Variants in THADA observed in about 807,000 individuals in gnomAD.
The protein encoded by THADA is THADA armadillo repeat containing.
In THADA, 213 loss-of-function variants were observed where a neutral mutation model predicts 219.8. That is an observed-to-expected ratio of 0.97 (90% CI 0.87 to 1.09). THADA has a LOEUF of 1.09. Ranked by LOEUF, THADA falls within the 50% of genes least tolerant of loss-of-function variation. The pLI is 0.00. For synonymous variants in THADA, 1,018 were observed against 828.9 expected (o/e 1.23, Z -3.92); for missense variants, 2,956 against 2,311.3 (o/e 1.28, Z -5.72).
chr2:43,326,230 T>C (rs1358128881), intron 30 of THADA, among the ~76,000 whole-genome samples: 1 of 149,160 alleles, frequency 6.7e-6, no homozygotes, highest in Non-Finnish European at 1.5e-5. Context: ...CAACCAGTCA[T>C]GCTAGAGTAT....
At chr2:43,372,605 C>G (rs868548342) in intron 29 of THADA, among the ~76,000 whole-genome samples, 1 of 152,116 alleles carries the variant, frequency 6.6e-6, no homozygotes, top group African/African-American at 2.4e-5. Flanking sequence ...ACACAGCCAA[C>G]AGAGGGGGTT....
intron 28 of THADA, among the ~76,000 whole-genome samples, chr2:43,423,554 T>C (rs1678010079): frequency 6.6e-6 from 1 of 151,832 alleles, no homozygotes; most frequent in Admixed American, 6.6e-5. Flanking sequence ...TGCCTTAGCC[T>C]CTCGAGTAGC....
At chr2:43,242,559 T>A (rs1398121566) in intron 36 of THADA, among the ~76,000 whole-genome samples, 1 of 152,150 alleles carries the variant, frequency 6.6e-6, no homozygotes, top group African/African-American at 2.4e-5. Context: ...TGGTGTGGTC[T>A]CAGCTCACTA....
intron 31 of THADA, among the ~76,000 whole-genome samples, chr2:43,304,419 G>A (rs148568277): frequency 5.9e-5 from 9 of 152,260 alleles, no homozygotes; most frequent in Non-Finnish European, 1.3e-4. Context: ...ACTACAAAAT[G>A]TCACTTATAA....
At position 43,398,208 on chromosome 2, in the gene THADA, C is replaced by T. The variant is rs1674343057; in HGVS notation, c.4059-69G>A. On this transcript the variant is annotated intron_variant, in intron 28 of 37. Coordinates refer to ENST00000405975, the MANE Select transcript of THADA (RefSeq NM_022065.5). The stretch of plus-strand genomic sequence containing the variant: ...ACATCTGTGACTTTGTATATACTTA[C>T]ATTCTATCTAGCATGGCCTGGAACA... 5 of 1,514,802 alleles carry T rather than the reference C, an allele frequency of 3.3e-6. No individual in the cohort carries two copies. The Admixed American group carries it at 5.2e-5, about 16-fold the overall frequency. 93.8% of individuals were successfully genotyped at this position (1,514,802 alleles called of 1,614,324 possible).
chr2:43,536,721 AT>A (rs1366953158), intron 21 of THADA, among the ~76,000 whole-genome samples: 4 of 152,158 alleles, frequency 2.6e-5, no homozygotes, highest in African/African-American at 9.7e-5. Flanking sequence ...ATTAAAAAAA[AT>A]ATAAATATAT....
At chr2:43,397,876 G>T in intron 29 of THADA, 95 bp downstream of exon 29, 3 of 1,299,608 alleles carry the variant, frequency 2.3e-6, no homozygotes, top group Non-Finnish European at 3.2e-6. Flanking sequence ...AAGTTAAGAG[G>T]CTGTGTATCA....
At chr2:43,576,918 A>G (rs1268016854) in intron 10 of THADA, 104 bp downstream of exon 10, 2 of 971,620 alleles carry the variant, frequency 2.1e-6, no homozygotes, top group Non-Finnish European at 3.1e-6. Flanking sequence ...GCCTACTGGG[A>G]GGGTAGCTGG....
chr2:43,388,309 G>A (rs930319679), intron 29 of THADA, among the ~76,000 whole-genome samples: 3 of 152,128 alleles, frequency 2.0e-5, no homozygotes, highest in African/African-American at 7.2e-5. Context: ...GAGATGTTTT[G>A]TTGTGTTGCA....
chr2:43,435,065 C>CA (rs1183995559), intron 26 of THADA, among the ~76,000 whole-genome samples: 2 of 152,196 alleles, frequency 1.3e-5, no homozygotes, highest in Non-Finnish European at 2.9e-5. Context: ...GAGGGGGACT[C>CA]ACACACCCTG....
chr2:43,242,422 T>C (rs1056238280), intron 36 of THADA, among the ~76,000 whole-genome samples: 2 of 152,212 alleles, frequency 1.3e-5, no homozygotes, highest in African/African-American at 4.8e-5. Context: ...AGGATACAGG[T>C]TGCAAGTGGT....
At chr2:43,352,284 G>A (rs1435241504) in intron 29 of THADA, among the ~76,000 whole-genome samples, 6 of 152,112 alleles carry the variant, frequency 3.9e-5, no homozygotes, top group South Asian at 4.1e-4. Context: ...AATACATGGC[G>A]CAGTGGCTCA....
intron 22 of THADA, among the ~76,000 whole-genome samples, chr2:43,519,895 A>G (rs1339388658): frequency 2.6e-5 from 4 of 152,238 alleles, no homozygotes; most frequent in Admixed American, 2.6e-4. Flanking sequence ...AGTTCTGACT[A>G]TTCAATGAAC....
chr2:43,578,371 T>C (rs1212097657), intron 9 of THADA, 142 bp downstream of exon 9: 5 of 472,986 alleles, frequency 1.1e-5, no homozygotes, highest in African/African-American at 2.0e-5. Flanking sequence ...AATCTCAAAC[T>C]CCTGGCCTCA....
At chr2:43,319,650 G>C (rs1678465940) in intron 31 of THADA, among the ~76,000 whole-genome samples, 1 of 152,154 alleles carries the variant, frequency 6.6e-6, no homozygotes, top group Non-Finnish European at 1.5e-5. Context: ...AAATGTAACA[G>C]AGGAAAGGCC....
rs182745883 is a variant in THADA at position 43,259,808 on chromosome 2, C to T, written c.5296+19957G>A. ...GAATACCTTATACATATATCTTTGGCCCTTGTGCAAATATTCCTGTAGGAT... is the reference window on the plus strand; with the variant it reads ...GAATACCTTATACATATATCTTTGGTCCTTGTGCAAATATTCCTGTAGGAT... On this transcript the variant is annotated intron_variant, in intron 36 of 37. Transcript: ENST00000405975. 1.8e-4 allele frequency among the ~76,000 whole-genome samples: 27 copies of T among 152,278 alleles called. No individual in the cohort carries two copies. The East Asian group carries it at 5.2e-3, about 29-fold the overall frequency.
chr2:43,592,301 A>G lies in THADA; in HGVS notation c.76+16T>C. 1 of 1,581,852 alleles carries G rather than the reference A, an allele frequency of 6.3e-7. No homozygotes were observed. Among genetic ancestry groups the G allele is most frequent in the Non-Finnish European group, 8.6e-7 (1 of 1,163,302 alleles). ...ACTAGAAAAAAATATAATAAGGGAAACCAGAAGTCACCTACATTTCAAAGT... is the reference window on the plus strand; with the variant it reads ...ACTAGAAAAAAATATAATAAGGGAAGCCAGAAGTCACCTACATTTCAAAGT... On this transcript the variant is annotated intron_variant, in intron 2 of 37. Transcript: ENST00000405975.
intron 1 of THADA, among the ~76,000 whole-genome samples, chr2:43,594,444 T>G (rs907149813): frequency 8.6e-5 from 13 of 151,646 alleles, no homozygotes; most frequent in African/African-American, 2.7e-4. Flanking sequence ...ATTAGCCGGG[T>G]GTGGTGGCAG....
rs2104820080 is a variant in THADA at position 43,430,223 on chromosome 2, T to C, written c.3916A>G (p.Thr1306Ala). The change falls in exon 27 of 38, where the codon ACA (threonine) becomes GCA (alanine). Residue 1306 changes from threonine to alanine, a missense_variant. By Grantham distance (58) the Thr-to-Ala change is moderately conservative. Coordinates refer to ENST00000405975, the MANE Select transcript of THADA (RefSeq NM_022065.5). ...LLKQLETVAN[T>A]VDSDMGEPNR... ...CAATTCTCTTCTTACCTGTCTACTG[T>C]ATTGGCTACAGTTTCCAACTGTTTG... 3.9e-6 allele frequency: 6 copies of C among 1,538,014 alleles called. No individual in the cohort carries two copies. In the South Asian group the frequency reaches 7.4e-5, roughly 19 times the overall value.
Sources: gnomAD v4.1 joint callset for allele counts (sites outside exome capture counted in the v4.1 genomes callset) on GRCh38, gnomAD v4.1.1 for gene constraint, MANE v1.5 for transcripts, NCBI Gene and HGNC (gene_info 2026-07-23, HGNC 2026-07-21) for gene names.